Variants in SETBP1 observed in about 807,000 individuals in gnomAD.
The protein encoded by SETBP1 is SET binding protein 1, also known as SET-binding protein.
A neutral mutation model predicts 101.0 loss-of-function variants in SETBP1; 9 were observed. That is an observed-to-expected ratio of 0.09 (90% CI 0.05 to 0.16). SETBP1 has a LOEUF of 0.16. Among genes scored for constraint, SETBP1 ranks in the 10% least tolerant of loss-of-function variants. The probability of loss-of-function intolerance (pLI) is 1.00; values close to 1 mark genes in which losing one functional copy is unlikely to be tolerated. For missense variants in SETBP1, 1,858 were observed against 2,033.8 expected (o/e 0.91, Z 1.66); for synonymous variants, 818 against 788.5 (o/e 1.04, Z -0.63).
intron 2 of SETBP1, among the ~76,000 whole-genome samples, chr18:44,815,259 C>T (rs1000611079): frequency 2.6e-5 from 4 of 152,168 alleles, no homozygotes; most frequent in East Asian, 1.9e-4. Flanking sequence ...AAAGTTAGAC[C>T]GCACACAGTC....
intron 2 of SETBP1, among the ~76,000 whole-genome samples, chr18:44,784,180 A>G (rs1434152205): frequency 6.6e-6 from 1 of 152,258 alleles, no homozygotes; most frequent in Admixed American, 6.5e-5. Context: ...TACAATGCAG[A>G]AAATAGGAGT....
chr18:44,763,517 C>A (rs1226193915), intron 2 of SETBP1, among the ~76,000 whole-genome samples: 1 of 152,152 alleles, frequency 6.6e-6, no homozygotes, highest in Non-Finnish European at 1.5e-5. Context: ...CATGGAGCTG[C>A]GTTGTTTGCA....
chr18:44,922,173 G>A (rs16978232), intron 3 of SETBP1, among the ~76,000 whole-genome samples: 1,902 of 152,340 alleles, frequency 0.012, 35 homozygotes, highest in African/African-American at 0.043. Context: ...ATAGTAAGGA[G>A]CGCATGCGCA....
At chr18:44,856,482 T>C (rs1437743529) in intron 2 of SETBP1, among the ~76,000 whole-genome samples, 3 of 152,376 alleles carry the variant, frequency 2.0e-5, no homozygotes, top group African/African-American at 7.2e-5. Flanking sequence ...GGGATGATTA[T>C]GTGAGATCAT....
chr18:44,713,030 C>T (rs1342417339), intron 2 of SETBP1, among the ~76,000 whole-genome samples: 2 of 134,020 alleles, frequency 1.5e-5, no homozygotes, highest in East Asian at 4.7e-4. Flanking sequence ...GTGATCTCTG[C>T]TTACTGCAAG....
At chr18:45,034,789 T>C (rs1346189029) in intron 4 of SETBP1, among the ~76,000 whole-genome samples, 1 of 152,106 alleles carries the variant, frequency 6.6e-6, no homozygotes, top group African/African-American at 2.4e-5. Flanking sequence ...ATCCATACAG[T>C]CTACTTTCTG....
chr18:44,854,177 C>A lies in SETBP1; in HGVS notation c.487-15053C>A, dbSNP rs182851067. On this transcript the variant is annotated intron_variant, in intron 2 of 5. Coordinates refer to ENST00000649279, the MANE Select transcript of SETBP1 (RefSeq NM_015559.3). ...CCCCAGAATGCATCACAAGGCCTGG[C>A]ACTTGCAGGGGCTCCCTAAGAGAAA... Among the ~76,000 whole-genome samples, 10 of 151,974 alleles carry A rather than the reference C, an allele frequency of 6.6e-5. No homozygotes were observed. In the East Asian group the frequency reaches 1.2e-3, roughly 18 times the overall value.
At chr18:44,730,000 G>T (rs1438295838) in intron 2 of SETBP1, among the ~76,000 whole-genome samples, 3 of 152,172 alleles carry the variant, frequency 2.0e-5, no homozygotes, top group Non-Finnish European at 2.9e-5. Context: ...CTTTGCAGAA[G>T]CCTGAGTGTG....
At position 44,722,006 on chromosome 18, in the gene SETBP1, A is replaced by G. The variant is rs148016939; in HGVS notation, c.486+20174A>G. Among the ~76,000 whole-genome samples the G allele has an allele frequency of 8.4e-4, 128 of 151,810 alleles. No individual in the cohort carries two copies. The East Asian group carries it at 0.019, about 22-fold the overall frequency. On this transcript the variant is annotated intron_variant, in intron 2 of 5. Coordinates refer to ENST00000649279, the MANE Select transcript of SETBP1 (RefSeq NM_015559.3). ...TGTTTGCCAACTAGAGGGTATCTGGACATGTGTATGTGAGAGGGCATCTGC... is the reference window on the plus strand; with the variant it reads ...TGTTTGCCAACTAGAGGGTATCTGGGCATGTGTATGTGAGAGGGCATCTGC...
chr18:45,025,183 T>C (rs928948590), intron 4 of SETBP1, among the ~76,000 whole-genome samples: 2 of 152,208 alleles, frequency 1.3e-5, no homozygotes, highest in Non-Finnish European at 2.9e-5. Flanking sequence ...AGGGAGGTGA[T>C]GAATACTACC....
intron 1 of SETBP1, among the ~76,000 whole-genome samples, chr18:44,682,021 T>C (rs1598983867): frequency 6.6e-6 from 1 of 152,178 alleles, no homozygotes; most frequent in Non-Finnish European, 1.5e-5. Context: ...CTGGCGTTGA[T>C]TGTTTTTCTC....
intron 2 of SETBP1, among the ~76,000 whole-genome samples, chr18:44,726,292 T>C (rs906952098): frequency 6.6e-6 from 1 of 152,220 alleles, no homozygotes; most frequent in Non-Finnish European, 1.5e-5. Flanking sequence ...GGTAGGGACT[T>C]TGTTTTGTTG....
intron 3 of SETBP1, among the ~76,000 whole-genome samples, chr18:44,875,243 G>A (rs967802169): frequency 1.3e-5 from 2 of 152,076 alleles, no homozygotes; most frequent in Non-Finnish European, 2.9e-5. Context: ...AAATTGGGCC[G>A]GGTGCGGTGG....
intron 1 of SETBP1, among the ~76,000 whole-genome samples, chr18:44,686,032 G>C (rs1472427177): frequency 6.6e-6 from 1 of 152,186 alleles, no homozygotes; most frequent in Admixed American, 6.5e-5. Context: ...AGAGAATGAG[G>C]GGGAGGTTCT....
At chr18:44,752,723 A>T (rs1172037499) in intron 2 of SETBP1, among the ~76,000 whole-genome samples, 2 of 152,204 alleles carry the variant, frequency 1.3e-5, no homozygotes, top group East Asian at 3.8e-4. Flanking sequence ...GAAGGTTTGT[A>T]GGAAATAAGA....
Position 45,038,654 on chromosome 18 carries a change from A to C in SETBP1, c.4170A>C (p.Ala1390=). 6.2e-7 allele frequency: 1 copy of C among 1,614,012 alleles called. No homozygotes were observed. The highest frequency in any genetic ancestry group is 8.5e-7 in the Non-Finnish European group (1 of 1,179,984). ...CTGCATCTGCAGCAACGTCGGATGC[A>C]GGTGAGCACTTTTCAGATGCTTTGG... The part of the protein sequence containing the change: ...LLAASAATSD[A]VGSSLKKRFK... The change falls in exon 5 of 6, where the codon GCA becomes GCC. Residue 1390 remains alanine (A), a splice_region_variant and synonymous_variant. Transcript: ENST00000649279.
intron 2 of SETBP1, among the ~76,000 whole-genome samples, chr18:44,851,094 G>A (rs1024965144): frequency 1.3e-5 from 2 of 152,180 alleles, no homozygotes; most frequent in Admixed American, 1.3e-4. Context: ...GGCTGATGAA[G>A]CGGGGCACAT....
At chr18:44,865,492 CTT>C (rs1447268536) in intron 2 of SETBP1, among the ~76,000 whole-genome samples, 3 of 152,202 alleles carry the variant, frequency 2.0e-5, no homozygotes, top group Non-Finnish European at 4.4e-5. Flanking sequence ...GAATGGAACT[CTT>C]TTGCGATATC....
chr18:44,851,306 T>C (rs1429442268), intron 2 of SETBP1, among the ~76,000 whole-genome samples: 1 of 152,190 alleles, frequency 6.6e-6, no homozygotes, highest in Non-Finnish European at 1.5e-5. Flanking sequence ...ATGGTAGTGA[T>C]GTTTATGATC....
Sources: gnomAD v4.1 joint callset for allele counts (sites outside exome capture counted in the v4.1 genomes callset) on GRCh38, gnomAD v4.1.1 for gene constraint, MANE v1.5 for transcripts, NCBI Gene and HGNC (gene_info 2026-07-23, HGNC 2026-07-21) for gene names.